The following ADTRP variants were observed in gnomAD, a reference collection of about 807,000 sequenced individuals.
The protein encoded by ADTRP is androgen dependent TFPI regulating protein, also known as androgen-dependent TFPI-regulating protein.
In ADTRP, 20 loss-of-function variants were observed where a neutral mutation model predicts 27.0. The observed-to-expected ratio is 0.74, with a 90% CI of 0.52 to 1.08. The LOEUF is 1.08. ADTRP is among the 50% of genes least tolerant of loss of function. ADTRP has a pLI of 0.00. For missense variants in ADTRP, 251 were observed against 275.0 expected, an observed-to-expected ratio of 0.91 and a Z score of 0.62; for synonymous variants, 101 against 105.2, an observed-to-expected ratio of 0.96 and a Z score of 0.25.
At position 11,765,697 on chromosome 6, in the gene ADTRP, C is replaced by T. The variant is rs562327612; in HGVS notation, c.390+577G>A. 3.3e-5 allele frequency among the ~76,000 whole-genome samples: 5 copies of T among 152,056 alleles called. No individual in the cohort carries two copies. The South Asian group carries it at 1.0e-3, about 32-fold the overall frequency. On this transcript the variant is annotated intron_variant, in intron 3 of 5. Transcript: ENST00000414691. The stretch of plus-strand genomic sequence containing the variant: ...TCATGCCAGCCTTGCTTGTTTGGGT[C>T]CCTGTTACTGATATTCAGGTTCCAG...
At chr6:11,776,356 C>T (rs1325319163) in intron 1 of ADTRP, among the ~76,000 whole-genome samples, 6 of 152,148 alleles carry the variant, frequency 3.9e-5, no homozygotes, top group Non-Finnish European at 8.8e-5. Flanking sequence ...TCTGGGTATC[C>T]TGTGCCAGCC....
Position 11,714,220 on chromosome 6 carries a change from A to C in ADTRP, c.*258T>G. The C allele has an allele frequency of 4.4e-6, 2 of 457,376 alleles. No individual in the cohort carries two copies. Among genetic ancestry groups the C allele is most frequent in the South Asian group, 4.9e-5 (2 of 40,626 alleles). 28.3% of individuals were successfully genotyped at this position (457,376 alleles called of 1,614,324 possible). ...TTTGGCCAGATTTTAACCAGAGACC[A>C]TCCTCCACGAAGGTCAAAGATAATT... On this transcript the variant is annotated 3_prime_UTR_variant, in exon 6 of 6. Transcript: ENST00000414691.
chr6:11,730,617 A>T (rs958811297), intron 4 of ADTRP, among the ~76,000 whole-genome samples: 1 of 152,216 alleles, frequency 6.6e-6, no homozygotes, highest in Non-Finnish European at 1.5e-5. Flanking sequence ...CATGAATTTA[A>T]AGAACTGTTA....
At chr6:11,717,524 T>C in intron 5 of ADTRP, 23 of 1,141,426 alleles carry the variant, frequency 2.0e-5, no homozygotes, top group Non-Finnish European at 2.6e-5. Flanking sequence ...AATAAAAACA[T>C]AGTATTCTCA....
chr6:11,754,914 C>T (rs2235403), intron 3 of ADTRP: 130,230 of 557,706 alleles, frequency 0.23, 18,303 homozygotes, highest in East Asian at 0.66. Context: ...AGGCTGCTCT[C>T]GGGGATTTTT....
At chr6:11,774,747 A>C (rs929245068) in intron 1 of ADTRP, among the ~76,000 whole-genome samples, 1 of 152,196 alleles carries the variant, frequency 6.6e-6, no homozygotes, top group African/African-American at 2.4e-5. Context: ...AGGAAACCCT[A>C]ATAAACTGAA....
Position 11,723,497 on chromosome 6 carries a change from G to A in ADTRP, c.510C>T (p.Ile170=). The A allele has an allele frequency of 1.2e-6, 2 of 1,613,400 alleles. No individual in the cohort carries two copies. The highest frequency in any genetic ancestry group is 2.2e-5 in the South Asian group (2 of 90,888). ...TACCCGTCTCAAAGTAGAGCCATAGGATGCTGCAGGAAATAAGAAGTCGTG... is the reference window on the plus strand; with the variant it reads ...TACCCGTCTCAAAGTAGAGCCATAGAATGCTGCAGGAAATAAGAAGTCGTG... ...AAASIAYISR[I]LWLYFETGTW... is the part of the protein sequence containing the mutation. The change falls in exon 5 of 6, where the codon ATC becomes ATT. Residue 170 remains isoleucine (I), a synonymous_variant. Transcript: ENST00000414691.
Position 11,723,395 on chromosome 6 carries a change from G to A in ADTRP, c.612C>T (p.Ile204=), listed in dbSNP as rs751734554. Residue 204 remains isoleucine (I), a synonymous_variant, in exon 5 of 6, where the codon ATC becomes ATT. Coordinates refer to ENST00000414691, the MANE Select transcript of ADTRP (RefSeq NM_032744.4). ...TCTCTCCAAGTAGGTAGATGCTGGC[G>A]ATGAAGACGTAGCTGAGAGAGAAGA... is the stretch of plus-strand genomic sequence containing the variant. ...AAFFSLSYVF[I]ASIYLLGEKL... is the part of the protein sequence containing the mutation. 5.6e-5 allele frequency: 91 copies of A among 1,614,016 alleles called. No homozygotes were observed. Among genetic ancestry groups the A allele is most frequent in the Non-Finnish European group, 7.1e-5 (84 of 1,180,032 alleles).
chr6:11,765,323 G>GT lies in ADTRP; in HGVS notation c.390+950dup, dbSNP rs34943978. Among the ~76,000 whole-genome samples, 480 of 119,058 alleles carry GT rather than the reference G, an allele frequency of 4.0e-3. 9 individuals are homozygous for GT. The highest frequency in any genetic ancestry group is 0.019 in the South Asian group (71 of 3,784). 78.1% of individuals were successfully genotyped at this position (119,058 alleles called of 152,430 possible). On this transcript the variant is annotated intron_variant, in intron 3 of 5. Transcript: ENST00000414691. Reference sequence around the variant, plus strand: ...CTTCCTTGTGCCTTTCCCCTGGTTTGTTTTTTTTTTTTTTTTTTTTTGAGG... The same window carrying GT: ...CTTCCTTGTGCCTTTCCCCTGGTTTGTTTTTTTTTTTTTTTTTTTTTTGAGG...
chr6:11,769,838 G>A (rs1032869326), intron 1 of ADTRP, among the ~76,000 whole-genome samples: 1 of 152,036 alleles, frequency 6.6e-6, no homozygotes, highest in African/African-American at 2.4e-5. Context: ...GTAGGCTAAA[G>A]CTAGAACCAC....
In ADTRP at chr6:11,713,980, TAAA is replaced by T. The variant is rs3069335; in HGVS notation, c.*495_*497del. 2.8e-4 allele frequency: 42 copies of T among 149,840 alleles called. No homozygotes were observed. Among genetic ancestry groups the T allele is most frequent in the African/African-American group, 5.4e-4 (22 of 40,472 alleles). 9.3% of individuals were successfully genotyped at this position (149,840 alleles called of 1,614,324 possible). ...TCTTTTAAAGAAAGTTGGGATTATT[TAAA>T]AAAAAAAAAATGGCCCAGGACCAGT... On this transcript the variant is annotated 3_prime_UTR_variant, in exon 6 of 6. Transcript: ENST00000414691.
At chr6:11,766,656 A>C (rs1207017042) in intron 2 of ADTRP, among the ~76,000 whole-genome samples, 1 of 152,264 alleles carries the variant, frequency 6.6e-6, no homozygotes, top group African/African-American at 2.4e-5. Context: ...AGATATGAAT[A>C]AACAGGATTC....
chr6:11,718,710 C>T (rs1384444226), intron 5 of ADTRP, among the ~76,000 whole-genome samples: 1 of 152,198 alleles, frequency 6.6e-6, no homozygotes, highest in African/African-American at 2.4e-5. Flanking sequence ...ATGACTGGTC[C>T]CAGTAACTGA....
chr6:11,725,917 G>GAAAAAAAAAAAA (rs1762180369), intron 4 of ADTRP, among the ~76,000 whole-genome samples: 1 of 69,486 alleles, frequency 1.4e-5, no homozygotes. Context: ...AAAAAAAAAG[G>GAAAAAAAAAAAA]AATTGAAAAC....
intron 3 of ADTRP, among the ~76,000 whole-genome samples, chr6:11,743,881 C>G (rs368797783): frequency 6.6e-6 from 1 of 152,274 alleles, no homozygotes; most frequent in Non-Finnish European, 1.5e-5. Context: ...CAGAATCAAC[C>G]CCACTTCCAG....
intron 3 of ADTRP, among the ~76,000 whole-genome samples, chr6:11,757,304 C>T (rs937878796): frequency 6.6e-6 from 1 of 152,162 alleles, no homozygotes; most frequent in Non-Finnish European, 1.5e-5. Flanking sequence ...CTTTTACTCT[C>T]TAATTATGAG....
chr6:11,771,988 C>A (rs1030862150), intron 1 of ADTRP, among the ~76,000 whole-genome samples: 1 of 152,172 alleles, frequency 6.6e-6, no homozygotes, highest in African/African-American at 2.4e-5. Context: ...TAGTTTGTTA[C>A]GGCAGCCCTA....
chr6:11,758,010 T>C (rs968905916), intron 3 of ADTRP, among the ~76,000 whole-genome samples: 1 of 152,176 alleles, frequency 6.6e-6, no homozygotes, highest in African/African-American at 2.4e-5. Flanking sequence ...CTCCTTCGGC[T>C]CAATATTCCT....
rs762418891 is a variant in ADTRP at position 11,714,471 on chromosome 6, T to C, written c.*7A>G. On this transcript the variant is annotated 3_prime_UTR_variant, in exon 6 of 6. Coordinates refer to ENST00000414691, the MANE Select transcript of ADTRP (RefSeq NM_032744.4). ...TTCTTTCTTGGTTCTTGGAAAATGG[T>C]GTGCAATTACTTCCTCTTCTTCCGT... The C allele has an allele frequency of 2.5e-6, 4 of 1,612,166 alleles. No individual in the cohort carries two copies. The highest frequency in any genetic ancestry group is 2.5e-6 in the Non-Finnish European group (3 of 1,179,504).
Sources: allele counts gnomAD v4.1 joint callset (sites outside exome capture counted in the v4.1 genomes callset), GRCh38; gene constraint gnomAD v4.1.1; transcripts MANE v1.5; gene names NCBI Gene and HGNC (gene_info 2026-07-23, HGNC 2026-07-21).